The following ANOS1 variants were observed in gnomAD, a reference collection of about 807,000 sequenced individuals.
ANOS1 encodes anosmin 1.
In ANOS1, 6 loss-of-function variants were observed where a neutral mutation model predicts 59.0. The observed-to-expected ratio is 0.10, with a 90% CI of 0.06 to 0.20. The LOEUF (loss-of-function observed/expected upper bound fraction) is 0.20. Ranked by LOEUF, ANOS1 falls within the 10% of genes least tolerant of loss-of-function variation. ANOS1 has a pLI of 1.00. For missense variants in ANOS1, 433 were observed against 542.3 expected (o/e 0.80, Z 2.00); for synonymous variants, 217 against 223.4 (o/e 0.97, Z 0.25).
intron 6 of ANOS1, among the ~76,000 whole-genome samples, chrX:8,576,467 T>TATATAC (rs1555894642): frequency 2.0e-5 from 2 of 100,044 alleles, no homozygotes; most frequent in African/African-American, 7.4e-5. Flanking sequence ...TATATATATA[T>TATATAC]ACACACACAC....
chrX:8,536,689 G>T, intron 11 of ANOS1, 82 bp downstream of exon 11: 1 of 829,985 alleles, frequency 1.2e-6, no homozygotes, highest in Non-Finnish European at 1.8e-6. Flanking sequence ...TCACGGTCTT[G>T]TGAAACGCAG....
At chrX:8,707,050 T>C (rs1209823488) in intron 1 of ANOS1, among the ~76,000 whole-genome samples, 1 of 111,471 alleles carries the variant, frequency 9.0e-6, no homozygotes, top group Non-Finnish European at 1.9e-5. Flanking sequence ...CTCTATAACG[T>C]TCTGCACTTC....
chrX:8,659,582 T>TTGCCTGCC (rs1172468948), intron 2 of ANOS1, among the ~76,000 whole-genome samples: 5 of 73,331 alleles, frequency 6.8e-5, no homozygotes, highest in Non-Finnish European at 7.6e-5. Flanking sequence ...GCTTGCTTGC[T>TTGCCTGCC]TGCCTTCCTT....
intron 3 of ANOS1, among the ~76,000 whole-genome samples, chrX:8,603,796 A>G (rs1930889053): frequency 8.9e-6 from 1 of 112,223 alleles, no homozygotes; most frequent in Non-Finnish European, 1.9e-5. Flanking sequence ...CTTTGCAAAG[A>G]GTCAGGGAAT....
chrX:8,540,343 T>C (rs1929663341), intron 9 of ANOS1, among the ~76,000 whole-genome samples: 1 of 111,609 alleles, frequency 9.0e-6, no homozygotes, highest in Non-Finnish European at 1.9e-5. Context: ...TAGGGACGTA[T>C]GCTTCCCACT....
chrX:8,690,006 G>A (rs983665342), intron 2 of ANOS1, among the ~76,000 whole-genome samples: 5 of 111,742 alleles, frequency 4.5e-5, no homozygotes, highest in African/African-American at 1.6e-4. Context: ...CTTTTCGCAT[G>A]CATTCTACAC....
At chrX:8,569,413 T>C (rs139052311) in intron 7 of ANOS1, among the ~76,000 whole-genome samples, 1,291 of 112,292 alleles carry the variant, frequency 0.011, 15 homozygotes, top group African/African-American at 0.027. Flanking sequence ...GAGGCCAAGG[T>C]GGGCGGATCA....
At chrX:8,617,241 G>C (rs1428171690) in intron 3 of ANOS1, among the ~76,000 whole-genome samples, 1 of 112,194 alleles carries the variant, frequency 8.9e-6, no homozygotes, top group African/African-American at 3.2e-5. Flanking sequence ...TATCCAGACA[G>C]GTACAGGTTC....
At chrX:8,681,877 T>C (rs919365806) in intron 2 of ANOS1, among the ~76,000 whole-genome samples, 12 of 112,124 alleles carry the variant, frequency 1.1e-4, no homozygotes, top group African/African-American at 3.2e-5. Context: ...CCAAAGTTAC[T>C]ATCAACATAT....
chrX:8,609,179 C>T (rs1021412547), intron 3 of ANOS1, among the ~76,000 whole-genome samples: 8 of 111,545 alleles, frequency 7.2e-5, no homozygotes, highest in Non-Finnish European at 1.3e-4. Flanking sequence ...AAAATGGATG[C>T]CCCTTTATCA....
At chrX:8,718,132 G>A (rs1932852325) in intron 1 of ANOS1, among the ~76,000 whole-genome samples, 1 of 111,552 alleles carries the variant, frequency 9.0e-6, no homozygotes, top group Admixed American at 9.5e-5. Flanking sequence ...AAGATATGAT[G>A]GCACTATCCA....
At chrX:8,703,101 C>A (rs186657698) in intron 1 of ANOS1, among the ~76,000 whole-genome samples, 5 of 112,395 alleles carry the variant, frequency 4.4e-5, no homozygotes, top group South Asian at 3.7e-4. Context: ...AGTTTTATCA[C>A]ACCCTCTCCT....
chrX:8,716,751 G>A (rs1932843984), intron 1 of ANOS1, among the ~76,000 whole-genome samples: 1 of 111,801 alleles, frequency 8.9e-6, no homozygotes, highest in Non-Finnish European at 1.9e-5. Context: ...CCAGCGCCTA[G>A]CAAAGAGCCT....
chrX:8,652,268 T>C (rs903462481), intron 2 of ANOS1, among the ~76,000 whole-genome samples: 1 of 111,865 alleles, frequency 8.9e-6, no homozygotes, highest in Non-Finnish European at 1.9e-5. Context: ...TGGCCTCCCA[T>C]GTACATTTAG....
chrX:8,594,656 G>A (rs6638843), intron 4 of ANOS1, among the ~76,000 whole-genome samples: 18 of 12,433 alleles, frequency 1.4e-3, no homozygotes, highest in South Asian at 7.6e-3. Context: ...ATATATATAT[G>A]TGTATATATA....
chrX:8,572,985 C>G (rs1169011502), intron 6 of ANOS1, among the ~76,000 whole-genome samples: 1 of 110,163 alleles, frequency 9.1e-6, no homozygotes, highest in Non-Finnish European at 1.9e-5. Flanking sequence ...TCAATATTCA[C>G]AACACTGCTG....
rs1163479096 is a variant in ANOS1, at chrX:8,594,697, T to TAC, written c.541+2335_541+2336dup. Among the ~76,000 whole-genome samples the TAC allele has an allele frequency of 2.5e-3, 47 of 18,553 alleles. 1 individual carries two copies. The highest frequency in any genetic ancestry group is 5.8e-3 in the South Asian group (2 of 342). The allele number at this position is 18,553 out of a possible 115,157, so 16.1% of individuals were successfully genotyped here. A position where few individuals can be genotyped will look rare whatever the true frequency, so the allele number is the denominator to read the frequency against. ...ATATATATATATATATATATATATA[T>TAC]ACACATATATATACACATATATATA... On this transcript the variant is annotated intron_variant, in intron 4 of 13. Coordinates refer to ENST00000262648, the MANE Select transcript of ANOS1 (RefSeq NM_000216.4).
At chrX:8,660,319 T>A (rs1456717934) in intron 2 of ANOS1, among the ~76,000 whole-genome samples, 1 of 112,300 alleles carries the variant, frequency 8.9e-6, no homozygotes, top group Non-Finnish European at 1.9e-5. Context: ...TCCCCATTCC[T>A]CTGCCTTCTC....
At chrX:8,694,050 A>G (rs1332251080) in intron 2 of ANOS1, among the ~76,000 whole-genome samples, 1 of 111,391 alleles carries the variant, frequency 9.0e-6, no homozygotes, top group Non-Finnish European at 1.9e-5. Flanking sequence ...TTAAGAATGG[A>G]TGAAGTAACA....
Sources: gnomAD v4.1 joint callset for allele counts (sites outside exome capture counted in the v4.1 genomes callset) on GRCh38, gnomAD v4.1.1 for gene constraint, MANE v1.5 for transcripts, NCBI Gene and HGNC (gene_info 2026-07-23, HGNC 2026-07-21) for gene names.